SLC47A1: variants seen among roughly 807,000 people sequenced by gnomAD.
SLC47A1 encodes multidrug and toxin extrusion protein 1.
Under a neutral mutation model 65.8 loss-of-function variants are expected in SLC47A1, and 58 were observed. That is an observed-to-expected ratio of 0.88 (90% CI 0.71 to 1.10). The LOEUF (loss-of-function observed/expected upper bound fraction) is 1.10. SLC47A1 is among the 50% of genes least tolerant of loss of function. The pLI is 0.00. For synonymous variants in SLC47A1, 285 were observed against 295.0 expected, an observed-to-expected ratio of 0.97 and a Z score of 0.35; for missense variants, 706 against 719.2, an observed-to-expected ratio of 0.98 and a Z score of 0.21.
intron 15 of SLC47A1, among the ~76,000 whole-genome samples, chr17:19,571,933 T>C (rs954812709): frequency 6.6e-6 from 1 of 152,196 alleles, no homozygotes; most frequent in Non-Finnish European, 1.5e-5. Context: ...GTTAAGATAC[T>C]TGTGTGCATC....
chr17:19,548,574 G>A (rs1233254241), intron 4 of SLC47A1, among the ~76,000 whole-genome samples: 1 of 147,984 alleles, frequency 6.8e-6, no homozygotes, highest in Admixed American at 6.9e-5. Context: ...ATCTTGGCTC[G>A]CTGCAACCTC....
At chr17:19,542,770 T>A (rs1177721293) in intron 2 of SLC47A1, among the ~76,000 whole-genome samples, 1 of 145,374 alleles carries the variant, frequency 6.9e-6, no homozygotes, top group Non-Finnish European at 1.5e-5. Context: ...ATCTTCTCAT[T>A]TATTTTATTT....
intron 11 of SLC47A1, 57 bp from the exon 12 acceptor site, chr17:19,560,361 A>T (rs2084299340): frequency 6.2e-7 from 1 of 1,611,426 alleles, no homozygotes; most frequent in East Asian, 2.2e-5. Context: ...AGGCTCCTCC[A>T]CTTCCTGTGG....
In SLC47A1 at chr17:19,555,677, A is replaced by G; in HGVS notation, c.726A>G (p.Gln242=). The stretch of plus-strand genomic sequence containing the variant: ...ACATCCTCGGGAAAAAACTGCATCA[A>G]GCTACATGGGGAGGTAATGACTGCC... The part of the protein sequence containing the change: ...FLYILGKKLH[Q]ATWGGWSLEC... The change falls in exon 8 of 17, where the codon CAA becomes CAG. Residue 242 remains glutamine (Q), a synonymous_variant. Transcript: ENST00000270570. 1 of 1,614,188 alleles carries G rather than the reference A, an allele frequency of 6.2e-7. No individual in the cohort carries two copies. Among genetic ancestry groups the G allele is most frequent in the Middle Eastern group, 1.6e-4 (1 of 6,062 alleles).
chr17:19,574,776 C>T (rs542862210), intron 16 of SLC47A1, among the ~76,000 whole-genome samples: 8 of 152,086 alleles, frequency 5.3e-5, no homozygotes, highest in East Asian at 1.9e-4. Context: ...CAGGTGTGTG[C>T]GGTGGTGTAC....
chr17:19,569,371 A>C (rs200825449), intron 14 of SLC47A1, among the ~76,000 whole-genome samples: 3 of 51,706 alleles, frequency 5.8e-5, no homozygotes, highest in African/African-American at 5.2e-4. Flanking sequence ...ACTCTACCTT[A>C]AAAAAAAAAA....
intron 12 of SLC47A1, 33 bp downstream of exon 12, chr17:19,560,526 CTG>C: frequency 6.2e-7 from 1 of 1,603,570 alleles, no homozygotes; most frequent in Non-Finnish European, 8.5e-7. Context: ...AATGTGAAAT[CTG>C]TGATAAAGAA....
At chr17:19,557,524 C>G (rs763910540) in intron 10 of SLC47A1, 2 of 507,342 alleles carry the variant, frequency 3.9e-6, no homozygotes, top group Non-Finnish European at 4.0e-6. Flanking sequence ...TCTTCATATA[C>G]TTGTCTGATT....
At chr17:19,543,785 G>A (rs1397375560) in intron 2 of SLC47A1, among the ~76,000 whole-genome samples, 1 of 152,122 alleles carries the variant, frequency 6.6e-6, no homozygotes, top group African/African-American at 2.4e-5. Flanking sequence ...TGGCTCTCGG[G>A]CAGGTGTATG....
intron 10 of SLC47A1, chr17:19,557,404 G>A (rs1256816199): frequency 3.6e-6 from 1 of 281,208 alleles, no homozygotes; most frequent in Admixed American, 4.3e-5. Context: ...ATGGTATATA[G>A]GATTCCACTA....
chr17:19,563,717 G>A (rs952345584), intron 12 of SLC47A1, among the ~76,000 whole-genome samples: 34 of 152,212 alleles, frequency 2.2e-4, no homozygotes, highest in Admixed American at 1.7e-3. Context: ...GGCTGGGCGC[G>A]GTGGCTCACG....
Position 19,572,817 on chromosome 17 carries a change from C to G in SLC47A1, c.1442C>G (p.Pro481Arg), listed in dbSNP as rs1368846746. The G allele has an allele frequency of 6.2e-7, 1 of 1,614,138 alleles. No homozygotes were observed. The change falls in exon 16 of 17, where the codon CCT becomes CGT. Residue 481 changes from proline to arginine, a missense_variant. Pro to Arg is a moderately radical substitution (Grantham distance 103, BLOSUM62 -2). Coordinates refer to ENST00000270570, the MANE Select transcript of SLC47A1 (RefSeq NM_018242.3). ...GCCAATTTGAAAGTAAACAACGTGC[C>G]TCGGAGTGGGAATTCTGCTCTCCCT... ...VHANLKVNNV[P>R]RSGNSALPQD...
intron 5 of SLC47A1, among the ~76,000 whole-genome samples, chr17:19,550,671 G>A (rs1188415079): frequency 1.3e-5 from 2 of 152,174 alleles, no homozygotes; most frequent in Non-Finnish European, 2.9e-5. Flanking sequence ...GTCTGCAGGG[G>A]CTTCCGTAAT....
intron 2 of SLC47A1, among the ~76,000 whole-genome samples, chr17:19,546,081 A>T (rs1222483454): frequency 1.3e-5 from 2 of 152,112 alleles, no homozygotes; most frequent in East Asian, 3.9e-4. Flanking sequence ...TTAGCCGGTC[A>T]TGGTAGCGCA....
At chr17:19,559,371 A>G (rs926251828) in intron 10 of SLC47A1, among the ~76,000 whole-genome samples, 2 of 152,156 alleles carry the variant, frequency 1.3e-5, no homozygotes, top group African/African-American at 2.4e-5. Flanking sequence ...CAGAACAGAC[A>G]CTATGCCATG....
chr17:19,548,148 G>C lies in SLC47A1; in HGVS notation c.455+15G>C, dbSNP rs926183077. On this transcript the variant is annotated intron_variant, in intron 4 of 16. Coordinates refer to ENST00000270570, the MANE Select transcript of SLC47A1 (RefSeq NM_018242.3). ...GATGTGTCCAGGTAAGATGGAACCT[G>C]TCGCAGCGGGACTTGGCGTCCATCC... 8 of 1,603,140 alleles carry C rather than the reference G, an allele frequency of 5.0e-6. No individual in the cohort carries two copies. The highest frequency in any genetic ancestry group is 4.0e-5 in the African/African-American group (3 of 74,776).
At chr17:19,555,563 C>G in intron 7 of SLC47A1, 30 bp from the exon 8 acceptor site, 5 of 1,600,216 alleles carry the variant, frequency 3.1e-6, no homozygotes, top group Non-Finnish European at 4.3e-6. Context: ...CAGGAAGGTA[C>G]CTCCCTCTCA....
chr17:19,563,914 G>A (rs774343736), intron 12 of SLC47A1, among the ~76,000 whole-genome samples: 19 of 152,238 alleles, frequency 1.2e-4, no homozygotes, highest in South Asian at 6.2e-4. Flanking sequence ...GCGTGAACCC[G>A]GGAGGCGGAG....
chr17:19,542,543 T>G (rs781371441), intron 2 of SLC47A1, 49 bp downstream of exon 2: 8 of 1,408,790 alleles, frequency 5.7e-6, no homozygotes, highest in Non-Finnish European at 7.9e-6. Context: ...TGTGTTTGCC[T>G]TCTGCTGCTA....
Sources: gnomAD v4.1 joint callset for allele counts (sites outside exome capture counted in the v4.1 genomes callset) on GRCh38, gnomAD v4.1.1 for gene constraint, MANE v1.5 for transcripts, NCBI Gene and HGNC (gene_info 2026-07-23, HGNC 2026-07-21) for gene names.